The following MAPK8 variants were observed in gnomAD, a reference collection of about 807,000 sequenced individuals.
The protein encoded by MAPK8 is mitogen-activated protein kinase 8, also known as JUN N-terminal kinase.
A neutral mutation model predicts 52.9 loss-of-function variants in MAPK8; 13 were observed. The ratio of observed to expected loss-of-function variants is 0.25; its 90% CI spans 0.16 to 0.39. The LOEUF is 0.39. Among genes scored for constraint, MAPK8 ranks in the 10% least tolerant of loss-of-function variants. The probability of loss-of-function intolerance (pLI) is 1.00; values close to 1 mark genes in which losing one functional copy is unlikely to be tolerated. For missense variants in MAPK8, 300 were observed against 519.2 expected, an observed-to-expected ratio of 0.58 and a Z score of 4.10; for synonymous variants, 191 against 169.8, an observed-to-expected ratio of 1.12 and a Z score of -0.97.
intron 1 of MAPK8, among the ~76,000 whole-genome samples, chr10:48,328,958 CT>C (rs1843816813): frequency 6.6e-6 from 1 of 152,030 alleles, no homozygotes; most frequent in South Asian, 2.1e-4. Context: ...TGTTTCATTA[CT>C]TAGTAAAGCG....
At chr10:48,398,588 G>T (rs1589185749) in intron 1 of MAPK8, among the ~76,000 whole-genome samples, 1 of 152,096 alleles carries the variant, frequency 6.6e-6, no homozygotes, top group East Asian at 1.9e-4. Context: ...ATAATTAAAC[G>T]AAGATGAATG....
At chr10:48,337,533 C>T (rs948731258) in intron 1 of MAPK8, among the ~76,000 whole-genome samples, 1 of 151,974 alleles carries the variant, frequency 6.6e-6, no homozygotes, top group African/African-American at 2.4e-5. Context: ...AACATTGCCC[C>T]TAAAGGAACT....
chr10:48,420,163 G>A lies in MAPK8; in HGVS notation c.459G>A (p.Lys153=), dbSNP rs759189891. ...HSAGIIHRDL[K]PSNIVVKSDC... Reference sequence around the variant, plus strand: ...ATTTTTATTTTCTGAAGGACTTAAAGCCCAGTAATATAGTAGTAAAATCTG... The same window carrying A: ...ATTTTTATTTTCTGAAGGACTTAAAACCCAGTAATATAGTAGTAAAATCTG... The change falls in exon 6 of 12, where the codon AAG becomes AAA. Residue 153 remains lysine (K), a synonymous_variant. Transcript: ENST00000374189. The A allele has an allele frequency of 1.1e-5, 17 of 1,611,326 alleles. No individual in the cohort carries two copies. Among genetic ancestry groups the A allele is most frequent in the Non-Finnish European group, 1.4e-5 (16 of 1,178,526 alleles).
chr10:48,403,603 C>T (rs961222294), intron 2 of MAPK8, among the ~76,000 whole-genome samples: 1 of 151,966 alleles, frequency 6.6e-6, no homozygotes, highest in Non-Finnish European at 1.5e-5. Flanking sequence ...TTTTGTAAGC[C>T]GTTTTGACTG....
intron 6 of MAPK8, among the ~76,000 whole-genome samples, chr10:48,422,248 T>C (rs971944366): frequency 1.3e-5 from 2 of 152,074 alleles, no homozygotes; most frequent in African/African-American, 4.8e-5. Context: ...GCCAGGCTGG[T>C]CTTGAACTCC....
intron 1 of MAPK8, among the ~76,000 whole-genome samples, chr10:48,318,306 T>C (rs1298072346): frequency 1.3e-5 from 2 of 152,320 alleles, no homozygotes; most frequent in East Asian, 1.9e-4. Flanking sequence ...TTTGTAGATA[T>C]TAATCACATC....
At chr10:48,386,758 A>T (rs1246228112) in intron 1 of MAPK8, among the ~76,000 whole-genome samples, 1 of 152,198 alleles carries the variant, frequency 6.6e-6, no homozygotes, top group Non-Finnish European at 1.5e-5. Context: ...GAGACCAAGG[A>T]GTTCAAGGCC....
chr10:48,406,115 C>T (rs1417290926), intron 3 of MAPK8, among the ~76,000 whole-genome samples: 1 of 152,098 alleles, frequency 6.6e-6, no homozygotes, highest in African/African-American at 2.4e-5. Flanking sequence ...TAGACCTAGG[C>T]TGACTCTTAA....
chr10:48,310,558 TA>T (rs1419917276), intron 1 of MAPK8, among the ~76,000 whole-genome samples: 9 of 152,182 alleles, frequency 5.9e-5, no homozygotes, highest in African/African-American at 1.9e-4. Context: ...GTGGAAGACA[TA>T]AAATGAGTTC....
intron 1 of MAPK8, among the ~76,000 whole-genome samples, chr10:48,335,083 G>A (rs1411204541): frequency 6.6e-6 from 1 of 152,074 alleles, no homozygotes; most frequent in East Asian, 1.9e-4. Context: ...GACTTTCTAG[G>A]TGCATGAGCT....
At chr10:48,320,735 A>G (rs537346245) in intron 1 of MAPK8, among the ~76,000 whole-genome samples, 7 of 152,144 alleles carry the variant, frequency 4.6e-5, no homozygotes, top group Non-Finnish European at 1.0e-4. Flanking sequence ...TTGGGTATGT[A>G]TCCAAGAGTG....
chr10:48,358,882 T>C (rs568310010), intron 1 of MAPK8, among the ~76,000 whole-genome samples: 1 of 152,328 alleles, frequency 6.6e-6, no homozygotes, highest in East Asian at 1.9e-4. Context: ...TTCCCTCTTG[T>C]CTTGACACCC....
At chr10:48,324,227 C>T (rs967080957) in intron 1 of MAPK8, among the ~76,000 whole-genome samples, 4 of 152,148 alleles carry the variant, frequency 2.6e-5, no homozygotes, top group Non-Finnish European at 5.9e-5. Context: ...AATTATTCCC[C>T]CAAAAGGTCA....
At chr10:48,414,528 C>G (rs1589237443) in intron 5 of MAPK8, among the ~76,000 whole-genome samples, 1 of 139,172 alleles carries the variant, frequency 7.2e-6, no homozygotes, top group Non-Finnish European at 1.5e-5. Context: ...TCATAGTTCA[C>G]TTGCAGCCTT....
chr10:48,355,813 G>A (rs1266008995), intron 1 of MAPK8, among the ~76,000 whole-genome samples: 1 of 152,076 alleles, frequency 6.6e-6, no homozygotes, highest in Non-Finnish European at 1.5e-5. Flanking sequence ...TCCTCACTTA[G>A]CCTTGTTACA....
intron 1 of MAPK8, among the ~76,000 whole-genome samples, chr10:48,340,711 C>T (rs946275384): frequency 2.6e-5 from 4 of 152,182 alleles, no homozygotes; most frequent in Non-Finnish European, 5.9e-5. Context: ...GGCATTTGCC[C>T]TTTGCCTAAG....
chr10:48,417,525 A>C (rs1223379876), intron 5 of MAPK8, among the ~76,000 whole-genome samples: 1 of 152,208 alleles, frequency 6.6e-6, no homozygotes, highest in African/African-American at 2.4e-5. Flanking sequence ...TGGCTGTGTG[A>C]CACTGCTCCA....
rs1359420914 is a variant in MAPK8, at chr10:48,438,073, CACA to C, written c.*3048_*3050del. 1.3e-5 allele frequency: 2 copies of C among 152,232 alleles called. No homozygotes were observed. Among genetic ancestry groups the C allele is most frequent in the African/African-American group, 4.8e-5 (2 of 41,462 alleles). The allele number at this position is 152,232 out of a possible 1,614,324, so 9.4% of individuals were successfully genotyped here. A position where few individuals can be genotyped will look rare whatever the true frequency, so the allele number is the denominator to read the frequency against. ...TCAGTGTTGCCTAGGCATTCGCCTG[CACA>C]ACATTTTGAGGTTAGAACATAGAAT... On this transcript the variant is annotated 3_prime_UTR_variant, in exon 12 of 12. Coordinates refer to ENST00000374189, the MANE Select transcript of MAPK8 (RefSeq NM_001323329.2).
rs1425085106 is a variant in MAPK8, at chr10:48,420,468, A to G, written c.616+148A>G. On this transcript the variant is annotated intron_variant, in intron 6 of 11. Coordinates refer to ENST00000374189, the MANE Select transcript of MAPK8 (RefSeq NM_001323329.2). ...GTGTATCAAAAGTTTGCAGGTAACT[A>G]TAAATTTTTTCATCAATGTTTGGAA... 2.7e-5 allele frequency: 21 copies of G among 784,200 alleles called. No individual in the cohort carries two copies. In the Admixed American group the frequency reaches 3.4e-4, roughly 13 times the overall value. 48.6% of individuals were successfully genotyped at this position (784,200 alleles called of 1,614,324 possible).
Sources: allele counts gnomAD v4.1 joint callset (sites outside exome capture counted in the v4.1 genomes callset), GRCh38; gene constraint gnomAD v4.1.1; transcripts MANE v1.5; gene names NCBI Gene and HGNC (gene_info 2026-07-23, HGNC 2026-07-21).